Variants in CRIM1 observed in about 807,000 individuals in gnomAD.
CRIM1 encodes cysteine rich transmembrane BMP regulator 1, also known as cysteine-rich motor neuron 1 protein.
In CRIM1, 32 loss-of-function variants were observed where a neutral mutation model predicts 116.4. The observed-to-expected ratio is 0.27, with a 90% CI of 0.21 to 0.37. The LOEUF is 0.37. CRIM1 is among the 10% of genes least tolerant of loss of function. The probability of loss-of-function intolerance (pLI) is 1.00; values close to 1 mark genes in which losing one functional copy is unlikely to be tolerated. For synonymous variants in CRIM1, 590 were observed against 509.2 expected, an observed-to-expected ratio of 1.16 and a Z score of -2.13; for missense variants, 1,331 against 1,354.8, an observed-to-expected ratio of 0.98 and a Z score of 0.28.
chr2:36,386,128 G>C (rs913726258), intron 1 of CRIM1, among the ~76,000 whole-genome samples: 2 of 152,086 alleles, frequency 1.3e-5, no homozygotes, highest in Non-Finnish European at 2.9e-5. Context: ...TTGGTGATTT[G>C]ACTAACAGAT....
chr2:36,540,335 A>G (rs1666864516), intron 14 of CRIM1, among the ~76,000 whole-genome samples: 1 of 152,192 alleles, frequency 6.6e-6, no homozygotes, highest in South Asian at 2.1e-4. Flanking sequence ...AGTTATGGTT[A>G]TGCAACTCTC....
chr2:36,436,646 CAGA>C (rs1675335205), intron 2 of CRIM1, among the ~76,000 whole-genome samples: 1 of 152,026 alleles, frequency 6.6e-6, no homozygotes, highest in African/African-American at 2.4e-5. Flanking sequence ...ATGTAATAAA[CAGA>C]GGATATATGT....
At chr2:36,503,713 TG>T (rs964900274) in intron 8 of CRIM1, among the ~76,000 whole-genome samples, 11 of 152,220 alleles carry the variant, frequency 7.2e-5, no homozygotes, top group Non-Finnish European at 1.5e-4. Flanking sequence ...AATAATAGGT[TG>T]TTTTTTTTCT....
intron 2 of CRIM1, among the ~76,000 whole-genome samples, chr2:36,416,279 A>G (rs1673614617): frequency 6.6e-6 from 1 of 152,146 alleles, no homozygotes; most frequent in Non-Finnish European, 1.5e-5. Context: ...CTTTCATGAT[A>G]TGCTAAAAAA....
rs576856939 is a variant in CRIM1, at chr2:36,371,317, C to T, written c.331+14694C>T. ...CTCCTTCCCCTGTTATAGCACTTTT[C>T]ATACTGTGTTAGAGTTCACATTTCT... On this transcript the variant is annotated intron_variant, in intron 1 of 16. Coordinates refer to ENST00000280527, the MANE Select transcript of CRIM1 (RefSeq NM_016441.3). 5.3e-5 allele frequency among the ~76,000 whole-genome samples: 8 copies of T among 152,166 alleles called. No homozygotes were observed. The East Asian group carries it at 1.5e-3, about 29-fold the overall frequency.
intron 9 of CRIM1, 28 bp from the exon 10 acceptor site, chr2:36,512,245 G>T (rs765240227): frequency 5.6e-6 from 9 of 1,605,940 alleles, no homozygotes; most frequent in Non-Finnish European, 7.7e-6. Context: ...GTGATTTTCT[G>T]ACCTCTGACA....
chr2:36,510,928 T>TC (rs1469447926), intron 9 of CRIM1, among the ~76,000 whole-genome samples: 1 of 148,816 alleles, frequency 6.7e-6, no homozygotes, highest in Non-Finnish European at 1.5e-5. Context: ...CTTTTCTTTT[T>TC]TTTTTTTTTT....
At chr2:36,365,893 C>T (rs1669563775) in intron 1 of CRIM1, among the ~76,000 whole-genome samples, 1 of 152,118 alleles carries the variant, frequency 6.6e-6, no homozygotes, top group African/African-American at 2.4e-5. Context: ...GCCACCACGC[C>T]CAACTACTTT....
chr2:36,463,904 A>G (rs1399004238), intron 4 of CRIM1, among the ~76,000 whole-genome samples: 1 of 152,216 alleles, frequency 6.6e-6, no homozygotes, highest in African/African-American at 2.4e-5. Flanking sequence ...TTCACTTACT[A>G]CAGCTTAGGC....
At chr2:36,409,958 T>G (rs780684172) in intron 2 of CRIM1, among the ~76,000 whole-genome samples, 2 of 152,232 alleles carry the variant, frequency 1.3e-5, no homozygotes, top group Non-Finnish European at 2.9e-5. Flanking sequence ...GTGCATACGC[T>G]CTAAGATAAG....
At chr2:36,462,566 G>A (rs1035018931) in intron 4 of CRIM1, among the ~76,000 whole-genome samples, 6 of 152,198 alleles carry the variant, frequency 3.9e-5, no homozygotes, top group African/African-American at 1.4e-4. Context: ...TTGGTTGACT[G>A]TACACTCTCA....
intron 7 of CRIM1, among the ~76,000 whole-genome samples, chr2:36,492,176 G>C (rs532986396): frequency 1.3e-5 from 2 of 152,194 alleles, no homozygotes; most frequent in South Asian, 4.1e-4. Context: ...ATAAATACAT[G>C]GTTGCTTCCT....
intron 4 of CRIM1, among the ~76,000 whole-genome samples, chr2:36,448,371 A>G (rs1225677002): frequency 6.6e-6 from 1 of 152,212 alleles, no homozygotes; most frequent in Non-Finnish European, 1.5e-5. Flanking sequence ...CCTCAGCCCA[A>G]CTGGGCTATT....
At chr2:36,437,309 A>C (rs1007003637) in intron 2 of CRIM1, among the ~76,000 whole-genome samples, 2 of 152,066 alleles carry the variant, frequency 1.3e-5, no homozygotes, top group Admixed American at 6.5e-5. Flanking sequence ...GGGGAGGCAG[A>C]GCTTGCAGTG....
chr2:36,361,578 A>G (rs1430759165), intron 1 of CRIM1, among the ~76,000 whole-genome samples: 5 of 152,184 alleles, frequency 3.3e-5, no homozygotes, highest in Non-Finnish European at 5.9e-5. Flanking sequence ...AGAAGGGAAA[A>G]TATTGAATTC....
chr2:36,511,285 C>A (rs1664657425), intron 9 of CRIM1, among the ~76,000 whole-genome samples: 1 of 152,136 alleles, frequency 6.6e-6, no homozygotes, highest in Non-Finnish European at 1.5e-5. Flanking sequence ...ATCTCTTTCC[C>A]ATCTTCTGTC....
chr2:36,430,504 C>A lies in CRIM1; in HGVS notation c.506-10754C>A, dbSNP rs141156739. Among the ~76,000 whole-genome samples the A allele has an allele frequency of 2.1e-3, 321 of 152,298 alleles. 3 individuals carry two copies. The highest frequency in any genetic ancestry group is 7.3e-3 in the African/African-American group (303 of 41,576). ...AGTTCAGGATGGAAAGTAAACACAT[C>A]CCTTTGCTCAGCTGCAGCTCACATA... On this transcript the variant is annotated intron_variant, in intron 2 of 16. Coordinates refer to ENST00000280527, the MANE Select transcript of CRIM1 (RefSeq NM_016441.3).
chr2:36,452,428 A>G (rs1396179459), intron 4 of CRIM1, among the ~76,000 whole-genome samples: 2 of 152,142 alleles, frequency 1.3e-5, no homozygotes, highest in Non-Finnish European at 2.9e-5. Flanking sequence ...TGTCACAGTA[A>G]TTTTTGGCCC....
At chr2:36,412,286 G>T (rs1165423357) in intron 2 of CRIM1, among the ~76,000 whole-genome samples, 1 of 148,678 alleles carries the variant, frequency 6.7e-6, no homozygotes, top group East Asian at 1.9e-4. Context: ...GGGGGCGCAG[G>T]GGGTGGGGGG....
Sources: gnomAD v4.1 joint callset for allele counts (sites outside exome capture counted in the v4.1 genomes callset) on GRCh38, gnomAD v4.1.1 for gene constraint, MANE v1.5 for transcripts, NCBI Gene and HGNC (gene_info 2026-07-23, HGNC 2026-07-21) for gene names.